The following VPS53 variants were observed in gnomAD, a reference collection of about 807,000 sequenced individuals.
The protein encoded by VPS53 is VPS53 subunit of GARP complex, also known as vacuolar protein sorting-associated protein 53 homolog.
In VPS53, 70 loss-of-function variants were observed where a neutral mutation model predicts 107.0. The observed-to-expected ratio is 0.65, with a 90% confidence interval of 0.54 to 0.80. The LOEUF (loss-of-function observed/expected upper bound fraction) is 0.80. Ranked by LOEUF, VPS53 falls within the 30% of genes least tolerant of loss-of-function variation. The pLI, the probability that VPS53 is intolerant of heterozygous loss-of-function variation, is 0.00. For synonymous variants in VPS53, 409 were observed against 393.3 expected, an observed-to-expected ratio of 1.04 and a Z score of -0.47; for missense variants, 917 against 1,049.4, an observed-to-expected ratio of 0.87 and a Z score of 1.74.
chr17:642,132 C>T (rs566514826), intron 7 of VPS53, among the ~76,000 whole-genome samples: 3 of 152,306 alleles, frequency 2.0e-5, no homozygotes, highest in African/African-American at 7.2e-5. Context: ...CCAACAGTTC[C>T]CAAATAAATA....
At chr17:561,716 G>A (rs1311978963) in intron 14 of VPS53, among the ~76,000 whole-genome samples, 4 of 152,108 alleles carry the variant, frequency 2.6e-5, no homozygotes, top group Non-Finnish European at 4.4e-5. Flanking sequence ...CGCAACCTCC[G>A]CCTCCCGGGT....
At chr17:680,650 G>T (rs1352628385) in intron 4 of VPS53, among the ~76,000 whole-genome samples, 1 of 151,960 alleles carries the variant, frequency 6.6e-6, no homozygotes, top group African/African-American at 2.4e-5. Context: ...ACAGTCAAAA[G>T]AATCGGGAAA....
chr17:591,330 C>T (rs1336100814), intron 12 of VPS53, among the ~76,000 whole-genome samples: 5 of 152,176 alleles, frequency 3.3e-5, no homozygotes, highest in African/African-American at 9.7e-5. Flanking sequence ...AAAAAACCAG[C>T]TCCTGGATTT....
At chr17:598,502 A>G (rs1345003459) in intron 12 of VPS53, among the ~76,000 whole-genome samples, 1 of 147,756 alleles carries the variant, frequency 6.8e-6, no homozygotes, top group Admixed American at 6.7e-5. Context: ...CCGCCATCCC[A>G]CCTAGGAAGT....
chr17:566,761 G>A (rs778893130), intron 13 of VPS53, among the ~76,000 whole-genome samples: 1 of 148,946 alleles, frequency 6.7e-6, no homozygotes, highest in Admixed American at 6.7e-5. Context: ...TGCTTTTTTT[G>A]GAGACGGAGT....
At chr17:569,991 G>A (rs1308266563) in intron 13 of VPS53, among the ~76,000 whole-genome samples, 4 of 151,856 alleles carry the variant, frequency 2.6e-5, no homozygotes, top group Non-Finnish European at 5.9e-5. Flanking sequence ...AAAGGATATT[G>A]ATAAAGTTTC....
chr17:538,549 G>A (rs535729490), intron 17 of VPS53: 10 of 152,376 alleles, frequency 6.6e-5, no homozygotes, highest in South Asian at 4.1e-4. Context: ...CACATCGTAC[G>A]TGGATGATTC....
intron 7 of VPS53, among the ~76,000 whole-genome samples, chr17:647,136 C>G (rs949934206): frequency 3.3e-5 from 5 of 152,208 alleles, no homozygotes; most frequent in Admixed American, 2.0e-4. Context: ...TTCTTTCCCC[C>G]ATTACTGTCA....
intron 11 of VPS53, among the ~76,000 whole-genome samples, chr17:604,154 C>T (rs977721435): frequency 6.6e-6 from 1 of 152,150 alleles, no homozygotes; most frequent in Non-Finnish European, 1.5e-5. Flanking sequence ...AGATGGGCCT[C>T]GTTTTTAAAA....
rs777640823 is a variant in VPS53 at position 517,380 on chromosome 17, CAG to C, written c.*1746_*1747del. The C allele has an allele frequency of 2.3e-5, 9 of 399,716 alleles. No homozygotes were observed. The highest frequency in any genetic ancestry group is 4.4e-5 in the Admixed American group (1 of 22,736). The allele number at this position is 399,716 out of a possible 1,614,324, so 24.8% of individuals were successfully genotyped here. A position where few individuals can be genotyped will look rare whatever the true frequency, so the allele number is the denominator to read the frequency against. ...GGACGGCATCGGGGAGAAAGCCTGG[CAG>C]AGAGGGCAGGGGCACAGAGCAGTGG... On this transcript the variant is annotated 3_prime_UTR_variant, in exon 22 of 22. Coordinates refer to ENST00000437048, the MANE Select transcript of VPS53 (RefSeq NM_001128159.3).
rs1383320275 is a variant in VPS53 at position 711,083 on chromosome 17, T to A, written c.88-470A>T. ...TTAGCTGGGTGCCATGGCACATGCC[T>A]GTCATAGTCCCAGCTACGTGGGAGG... On this transcript the variant is annotated intron_variant, in intron 1 of 21. Transcript: ENST00000437048. Among the ~76,000 whole-genome samples, 3 of 152,086 alleles carry A rather than the reference T, an allele frequency of 2.0e-5. No homozygotes were observed. The East Asian group carries it at 5.8e-4, about 29-fold the overall frequency.
At position 524,592 on chromosome 17, in the gene VPS53, G is replaced by A. The variant is rs534047936; in HGVS notation, c.2086-2854C>T. 2.6e-5 allele frequency among the ~76,000 whole-genome samples: 4 copies of A among 152,278 alleles called. No individual in the cohort carries two copies. Among genetic ancestry groups the A allele is most frequent in the Admixed American group, 2.6e-4 (4 of 15,294 alleles). ...ATACTAACACCGGATTCACAAAAGA[G>A]GAAACTCAAATGCCCGAAAGGCATA... is the stretch of plus-strand genomic sequence containing the variant. On this transcript the variant is annotated intron_variant, in intron 19 of 21. Transcript: ENST00000437048. The surrounding 1 kb of genome is among the most constrained non-coding windows in gnomAD (Gnocchi z 4.5).
chr17:657,126 T>G, intron 5 of VPS53: 1 of 1,244,210 alleles, frequency 8.0e-7, no homozygotes, highest in Non-Finnish European at 1.2e-6. Flanking sequence ...TTCACCTTGA[T>G]GAGGGGTCAG....
chr17:671,978 G>A (rs1300495288), intron 4 of VPS53, among the ~76,000 whole-genome samples: 1 of 151,844 alleles, frequency 6.6e-6, no homozygotes, highest in African/African-American at 2.4e-5. Flanking sequence ...TGAGCCACCA[G>A]AATGAGAATT....
intron 2 of VPS53, among the ~76,000 whole-genome samples, chr17:703,365 A>G (rs541341322): frequency 3.5e-5 from 5 of 141,902 alleles, no homozygotes; most frequent in East Asian, 4.1e-4. Flanking sequence ...TCTAGCATCT[A>G]CCTCTAACGC....
At chr17:577,124 C>T (rs1356262787) in intron 13 of VPS53, among the ~76,000 whole-genome samples, 2 of 151,334 alleles carry the variant, frequency 1.3e-5, no homozygotes, top group African/African-American at 4.9e-5. Context: ...CAAAGAACTT[C>T]CCTCAGACCT....
chr17:647,479 A>C (rs1970756795), intron 7 of VPS53, among the ~76,000 whole-genome samples: 1 of 152,250 alleles, frequency 6.6e-6, no homozygotes. Context: ...AATATGAAAG[A>C]GATCAACTCT....
chr17:548,692 A>G (rs528525885), intron 17 of VPS53, among the ~76,000 whole-genome samples: 5 of 152,340 alleles, frequency 3.3e-5, no homozygotes, highest in African/African-American at 9.6e-5. Context: ...CAGGGTATAG[A>G]CTCCTTGAGG....
intron 1 of VPS53, among the ~76,000 whole-genome samples, chr17:713,062 G>A (rs934245438): frequency 6.6e-6 from 1 of 152,088 alleles, no homozygotes; most frequent in Non-Finnish European, 1.5e-5. Context: ...ACATCGAAGC[G>A]TCAATGAATG....
Sources: allele counts gnomAD v4.1 joint callset (sites outside exome capture counted in the v4.1 genomes callset), GRCh38; gene constraint gnomAD v4.1.1; non-coding constraint Gnocchi (gnomAD v3.1); transcripts MANE v1.5; gene names NCBI Gene and HGNC (gene_info 2026-07-23, HGNC 2026-07-21).